SASH1: variants seen among roughly 807,000 people sequenced by gnomAD.
SASH1 encodes SAM and SH3 domain containing 1.
SASH1 carries 44 observed loss-of-function variants against 125.2 expected under a neutral mutation model. That is an observed-to-expected ratio of 0.35 (90% CI 0.28 to 0.45). SASH1 has a LOEUF of 0.45. Ranked by LOEUF, SASH1 falls within the 20% of genes least tolerant of loss-of-function variation. The pLI is 1.00. For synonymous variants in SASH1, 639 were observed against 649.1 expected (o/e 0.98, Z 0.24); for missense variants, 1,426 against 1,614.5 (o/e 0.88, Z 2.00).
chr6:148,482,301 G>A (rs1485017471), intron 7 of SASH1, among the ~76,000 whole-genome samples: 4 of 152,158 alleles, frequency 2.6e-5, no homozygotes, highest in Admixed American at 1.3e-4. Flanking sequence ...ATCTATGACC[G>A]TGATTTAATA....
At chr6:148,486,932 A>C (rs1778871676) in intron 7 of SASH1, among the ~76,000 whole-genome samples, 1 of 72,922 alleles carries the variant, frequency 1.4e-5, no homozygotes, top group Non-Finnish European at 2.7e-5. Flanking sequence ...CAACAACAAC[A>C]ACAAATATAT....
intron 1 of SASH1, among the ~76,000 whole-genome samples, chr6:148,336,817 A>T (rs1781170235): frequency 6.6e-6 from 1 of 152,194 alleles, no homozygotes; most frequent in Admixed American, 6.5e-5. Context: ...GCTCAAGTTA[A>T]GTTTTCCTTA....
chr6:148,258,242 C>T, the SASH1 span, among the ~76,000 whole-genome samples: 1 of 152,172 alleles, frequency 6.6e-6, no homozygotes, highest in East Asian at 1.9e-4. Flanking sequence ...ATGCTCATAC[C>T]GTCTTGCTTG....
chr6:148,545,910 C>A, intron 18 of SASH1, 105 bp from the exon 19 acceptor site: 2 of 1,117,948 alleles, frequency 1.8e-6, no homozygotes, highest in South Asian at 1.5e-5. Flanking sequence ...CACTGCACTC[C>A]AGTCTAAGTG....
At chr6:148,208,814 C>A in the SASH1 span, among the ~76,000 whole-genome samples, 1 of 152,122 alleles carries the variant, frequency 6.6e-6, no homozygotes, top group Admixed American at 6.6e-5. Flanking sequence ...ACTACTCTTT[C>A]AACTATATAG....
chr6:148,216,131 C>T, the SASH1 span, among the ~76,000 whole-genome samples: 1 of 152,120 alleles, frequency 6.6e-6, no homozygotes, highest in Non-Finnish European at 1.5e-5. Context: ...ATTGTCCTAA[C>T]TTCTTTTTAT....
chr6:148,314,889 T>A (rs894679994), intron 1 of SASH1, among the ~76,000 whole-genome samples: 1 of 151,698 alleles, frequency 6.6e-6, no homozygotes, highest in African/African-American at 2.4e-5. Context: ...CCCGAATAGC[T>A]GGGATTACAG....
chr6:148,358,128 T>A (rs1455139728), intron 1 of SASH1, among the ~76,000 whole-genome samples: 1 of 148,320 alleles, frequency 6.7e-6, no homozygotes, highest in African/African-American at 2.5e-5. Flanking sequence ...GGTTTGGCTT[T>A]AAAAAAAAAA....
chr6:148,283,567 A>T (rs1472304054), intron 1 of SASH1, among the ~76,000 whole-genome samples: 5 of 152,076 alleles, frequency 3.3e-5, no homozygotes, highest in Admixed American at 6.5e-5. Flanking sequence ...ACGTCAGGAG[A>T]TCGAGACCAT....
At chr6:148,420,681 C>T (rs1163640102) in intron 2 of SASH1, among the ~76,000 whole-genome samples, 1 of 152,026 alleles carries the variant, frequency 6.6e-6, no homozygotes, top group Non-Finnish European at 1.5e-5. Context: ...AATTATTGTT[C>T]CCTATTTTTT....
rs561362765 is a variant in SASH1, at chr6:148,345,311, G to A, written c.156+2088G>A. 3.3e-5 allele frequency among the ~76,000 whole-genome samples: 5 copies of A among 152,246 alleles called. No individual in the cohort carries two copies. In the East Asian group the frequency reaches 7.7e-4, roughly 23 times the overall value. ...CCAGCACTGTTGGGTCAGTTGTAGTGGAGTGTTCTTTGGCTGAGTTAAAAG... is the reference window on the plus strand; with the variant it reads ...CCAGCACTGTTGGGTCAGTTGTAGTAGAGTGTTCTTTGGCTGAGTTAAAAG... On this transcript the variant is annotated intron_variant, in intron 1 of 19. Coordinates refer to ENST00000367467, the MANE Select transcript of SASH1 (RefSeq NM_015278.5).
Position 148,537,573 on chromosome 6 carries a change from A to C in SASH1, c.2095+2672A>C, listed in dbSNP as rs571465740. ...AAAACAAACAAACATATGCATGCAC[A>C]TGCTGAAGTTAATGTTTTGCCATAT... On this transcript the variant is annotated intron_variant, in intron 16 of 19. Transcript: ENST00000367467. Among the ~76,000 whole-genome samples the C allele has an allele frequency of 2.0e-5, 3 of 152,290 alleles. No homozygotes were observed. The South Asian group carries it at 6.2e-4, about 32-fold the overall frequency.
chr6:148,510,434 A>G (rs1196426424), intron 8 of SASH1, among the ~76,000 whole-genome samples: 2 of 152,318 alleles, frequency 1.3e-5, no homozygotes, highest in Middle Eastern at 3.4e-3. Context: ...AGGCCACACT[A>G]TCTCATGTTT....
intron 1 of SASH1, among the ~76,000 whole-genome samples, chr6:148,379,526 G>C (rs752029521): frequency 8.5e-5 from 13 of 152,156 alleles, no homozygotes; most frequent in Non-Finnish European, 1.5e-4. Context: ...CGGGCAGTCT[G>C]TCAATTCCTA....
rs1421294044 is a variant in SASH1, at chr6:148,374,309, A to C, written c.157-15825A>C. Among the ~76,000 whole-genome samples the C allele has an allele frequency of 5.3e-5, 8 of 152,348 alleles. No individual in the cohort carries two copies. In the East Asian group the frequency reaches 1.5e-3, roughly 29 times the overall value. The stretch of plus-strand genomic sequence containing the variant: ...GAATATGAATGGGAAGGAGGGGAGT[A>C]GGAATGTCCAAGCAAACATTGACCA... On this transcript the variant is annotated intron_variant, in intron 1 of 19. Coordinates refer to ENST00000367467, the MANE Select transcript of SASH1 (RefSeq NM_015278.5).
At chr6:148,208,354 C>T in the SASH1 span, among the ~76,000 whole-genome samples, 1 of 152,196 alleles carries the variant, frequency 6.6e-6, no homozygotes, top group African/African-American at 2.4e-5. Flanking sequence ...CTTCTCCCTC[C>T]ATTGGCATTG....
At chr6:148,245,927 G>A in the SASH1 span, among the ~76,000 whole-genome samples, 1 of 151,192 alleles carries the variant, frequency 6.6e-6, no homozygotes, top group Admixed American at 6.6e-5. Flanking sequence ...AGATGGAGGT[G>A]AGCCCAGATC....
At chr6:148,324,469 T>G (rs1019083577) in intron 1 of SASH1, among the ~76,000 whole-genome samples, 1 of 152,128 alleles carries the variant, frequency 6.6e-6, no homozygotes, top group Non-Finnish European at 1.5e-5. Context: ...GACATTAGCC[T>G]TGATTCCTTC....
the SASH1 span, among the ~76,000 whole-genome samples, chr6:148,254,428 A>C: frequency 2.0e-4 from 31 of 152,322 alleles, no homozygotes; most frequent in African/African-American, 7.2e-4. Context: ...AATGTAGTGC[A>C]TTATGGTCAC....
Sources: gnomAD v4.1 joint callset for allele counts (sites outside exome capture counted in the v4.1 genomes callset) on GRCh38, gnomAD v4.1.1 for gene constraint, MANE v1.5 for transcripts, NCBI Gene and HGNC (gene_info 2026-07-23, HGNC 2026-07-21) for gene names.